Variants in DTNA observed in about 807,000 individuals in gnomAD.
DTNA encodes the protein dystrobrevin alpha, also known as dystrophin-related protein 3.
A neutral mutation model predicts 100.7 loss-of-function variants in DTNA; 43 were observed. The observed-to-expected ratio is 0.43, with a 90% CI of 0.33 to 0.55. The LOEUF (loss-of-function observed/expected upper bound fraction) is 0.55. DTNA is among the 20% of genes least tolerant of loss of function. DTNA has a pLI of 0.04. For missense variants in DTNA, 798 were observed against 953.9 expected (o/e 0.84, Z 2.15); for synonymous variants, 349 against 347.9 (o/e 1.00, Z -0.04).
chr18:34,586,594 T>C (rs1208654255), intron 1 of DTNA, among the ~76,000 whole-genome samples: 1 of 152,154 alleles, frequency 6.6e-6, no homozygotes, highest in Non-Finnish European at 1.5e-5. Flanking sequence ...TTTTCTGTTA[T>C]TACACAAAAC....
chr18:34,722,583 A>G (rs1955382137), intron 1 of DTNA, among the ~76,000 whole-genome samples: 1 of 151,668 alleles, frequency 6.6e-6, no homozygotes, highest in South Asian at 2.1e-4. Context: ...ACAAATTAAT[A>G]GGTTTTGACA....
intron 1 of DTNA, among the ~76,000 whole-genome samples, chr18:34,591,580 G>A (rs2049730255): frequency 6.6e-6 from 1 of 152,126 alleles, no homozygotes; most frequent in Non-Finnish European, 1.5e-5. Context: ...CCTTGGGAAG[G>A]CGTGTTTTTG....
intron 1 of DTNA, chr18:34,662,951 G>A (rs1393524957): frequency 6.6e-6 from 1 of 151,880 alleles, no homozygotes; most frequent in African/African-American, 2.4e-5. Context: ...TTTCACTATG[G>A]GACAGTCACA....
chr18:34,584,001 A>T (rs1274661106), intron 1 of DTNA, among the ~76,000 whole-genome samples: 4 of 151,962 alleles, frequency 2.6e-5, no homozygotes, highest in Admixed American at 6.6e-5. Flanking sequence ...CTTAAGTAGA[A>T]ATCTGCGTGC....
At chr18:34,645,184 A>G (rs1480436) in intron 1 of DTNA, among the ~76,000 whole-genome samples, 17,474 of 152,124 alleles carry the variant, frequency 0.11, 1,057 homozygotes, top group African/African-American at 0.14. Context: ...CAGCCTGTCT[A>G]TTCTGATTCT....
At chr18:34,496,807 A>G (rs2039291616) in intron 1 of DTNA, among the ~76,000 whole-genome samples, 1 of 152,226 alleles carries the variant, frequency 6.6e-6, no homozygotes, top group Non-Finnish European at 1.5e-5. Context: ...GAAAAGCCAC[A>G]TATTTGTGCA....
At chr18:34,802,876 T>C (rs899324969) in intron 4 of DTNA, among the ~76,000 whole-genome samples, 1 of 152,328 alleles carries the variant, frequency 6.6e-6, no homozygotes, top group Middle Eastern at 3.4e-3. Flanking sequence ...GCTTATGTGA[T>C]ATATTTACTC....
chr18:34,503,101 C>G (rs1028294295), intron 1 of DTNA, among the ~76,000 whole-genome samples: 2 of 151,760 alleles, frequency 1.3e-5, no homozygotes, highest in Admixed American at 6.6e-5. Context: ...TTAAATAATG[C>G]CCCTCTCTGT....
intron 1 of DTNA, among the ~76,000 whole-genome samples, chr18:34,723,431 T>A (rs912248695): frequency 7.1e-4 from 108 of 152,272 alleles, no homozygotes; most frequent in African/African-American, 2.4e-3. Context: ...AAGTTTAATA[T>A]CCAATCGTAG....
chr18:34,645,717 A>G (rs1379112354), intron 1 of DTNA, among the ~76,000 whole-genome samples: 1 of 152,136 alleles, frequency 6.6e-6, no homozygotes, highest in Non-Finnish European at 1.5e-5. Context: ...GAGTCTCTTC[A>G]GTTTCCTGCA....
At chr18:34,829,106 C>T in intron 10 of DTNA, 1 of 1,614,036 alleles carries the variant, frequency 6.2e-7, no homozygotes, top group Non-Finnish European at 8.5e-7. Context: ...CTAAAATATT[C>T]CTATAATACT....
intron 1 of DTNA, among the ~76,000 whole-genome samples, chr18:34,523,255 C>A (rs2145277265): frequency 6.6e-6 from 1 of 152,276 alleles, no homozygotes; most frequent in South Asian, 2.1e-4. Context: ...CTATTCTTCT[C>A]TTTTCAATTT....
At chr18:34,681,611 A>T (rs35654817) in intron 1 of DTNA, among the ~76,000 whole-genome samples, 2 of 151,804 alleles carry the variant, frequency 1.3e-5, no homozygotes, top group South Asian at 2.1e-4. Flanking sequence ...TTTATTTATT[A>T]ATTTAGTAAA....
At chr18:34,798,205 G>T (rs1210096088) in intron 4 of DTNA, among the ~76,000 whole-genome samples, 2 of 152,054 alleles carry the variant, frequency 1.3e-5, no homozygotes, top group Non-Finnish European at 2.9e-5. Flanking sequence ...TCACCATATT[G>T]CTCAGGCTGG....
At chr18:34,703,791 A>G (rs893331283) in intron 1 of DTNA, among the ~76,000 whole-genome samples, 4 of 152,218 alleles carry the variant, frequency 2.6e-5, no homozygotes, top group Non-Finnish European at 4.4e-5. Flanking sequence ...AATGGAATTC[A>G]TTTAAGTGTA....
intron 1 of DTNA, among the ~76,000 whole-genome samples, chr18:34,515,539 G>A (rs759224906): frequency 2.6e-5 from 4 of 151,962 alleles, no homozygotes; most frequent in Admixed American, 6.6e-5. Flanking sequence ...CCTTGTATTC[G>A]ATTGTATTGT....
intron 1 of DTNA, among the ~76,000 whole-genome samples, chr18:34,684,323 G>C (rs2078560157): frequency 6.6e-6 from 1 of 151,874 alleles, no homozygotes; most frequent in African/African-American, 2.4e-5. Flanking sequence ...AACAAGCCCT[G>C]GTGTGTGATG....
At chr18:34,494,755 G>A (rs1309555081) in intron 1 of DTNA, among the ~76,000 whole-genome samples, 4 of 152,082 alleles carry the variant, frequency 2.6e-5, no homozygotes, top group African/African-American at 7.2e-5. Context: ...TAAAAAAATT[G>A]TCTTTTGAGT....
chr18:34,719,719 T>A (rs2084861360), intron 1 of DTNA, among the ~76,000 whole-genome samples: 1 of 152,204 alleles, frequency 6.6e-6, no homozygotes, highest in East Asian at 1.9e-4. Flanking sequence ...TCAGAAATAG[T>A]AACAAGATTT....
Sources: gnomAD v4.1 joint callset for allele counts (sites outside exome capture counted in the v4.1 genomes callset) on GRCh38, gnomAD v4.1.1 for gene constraint, MANE v1.5 for transcripts, NCBI Gene and HGNC (gene_info 2026-07-23, HGNC 2026-07-21) for gene names.